The following CHGA variants were observed in gnomAD, a reference collection of about 807,000 sequenced individuals.
The protein encoded by CHGA is chromogranin A.
In CHGA, 41 loss-of-function variants were observed where a neutral mutation model predicts 54.4. The observed-to-expected ratio is 0.75, with a 90% CI of 0.59 to 0.98. The LOEUF is 0.98. Among genes scored for constraint, CHGA ranks in the 50% least tolerant of loss-of-function variants. The pLI, the probability that CHGA is intolerant of heterozygous loss-of-function variation, is 0.00. For synonymous variants in CHGA, 249 were observed against 232.8 expected (o/e 1.07, Z -0.63); for missense variants, 576 against 582.3 (o/e 0.99, Z 0.11).
chr14:92,933,016 C>A, intron 7 of CHGA, 165 bp downstream of exon 7: 1 of 1,092,514 alleles, frequency 9.2e-7, no homozygotes, highest in Non-Finnish European at 1.2e-6. Context: ...GGAGAACACC[C>A]CAGCTCACAG....
In CHGA at chr14:92,923,372, G is replaced by T; in HGVS notation, c.13G>T (p.Ala5Ser). 3.1e-6 allele frequency: 4 copies of T among 1,297,658 alleles called. No homozygotes were observed. The highest frequency in any genetic ancestry group is 2.9e-6 in the Non-Finnish European group (3 of 1,028,126). 80.4% of individuals were successfully genotyped at this position (1,297,658 alleles called of 1,614,324 possible). Residue 5 changes from alanine (A) to serine (S), a missense_variant, in exon 1 of 8, where the codon GCT (alanine) becomes TCT (serine). Transcript: ENST00000216492. ...GCCCGGGTCCGCCATGCGCTCCGCC[G>T]CTGTCCTGGCTCTTCTGCTCTGCGC... MRSA[A>S]VLALLLCAGQ...
intron 4 of CHGA, 134 bp downstream of exon 4, chr14:92,927,752 C>A: frequency 1.4e-6 from 1 of 739,734 alleles, no homozygotes; most frequent in South Asian, 1.7e-5. Context: ...AAGCAGGATC[C>A]GCCGTGCCAC....
Position 92,932,691 on chromosome 14 carries a change from G to T in CHGA, c.1130G>T (p.Arg377Leu), listed in dbSNP as rs766151622. The T allele has an allele frequency of 6.2e-7, 1 of 1,610,454 alleles. No individual in the cohort carries two copies. The highest frequency in any genetic ancestry group is 2.2e-5 in the East Asian group (1 of 44,806). The change falls in exon 7 of 8, where the codon CGG (arginine) becomes CTG (leucine). Residue 377 changes from arginine to leucine, a missense_variant. Coordinates refer to ENST00000216492, the MANE Select transcript of CHGA (RefSeq NM_001275.4). The surrounding 1 kb of genome is among the most constrained non-coding windows in gnomAD (Gnocchi z 5.3). Reference protein sequence around the residue: ...NRDSSMKLSFRARAYGFRGPG... With the variant: ...NRDSSMKLSFLARAYGFRGPG... ...GACAGTTCCATGAAGCTCTCCTTCC[G>T]GGCCCGGGCCTACGGCTTCAGGGGC...
intron 7 of CHGA, among the ~76,000 whole-genome samples, chr14:92,933,909 G>T (rs1887063845): frequency 3.9e-5 from 6 of 152,190 alleles, no homozygotes; most frequent in Admixed American, 3.9e-4. Context: ...GGCATATGGA[G>T]AGGATGGGGT....
chr14:92,926,468 C>A, intron 2 of CHGA, 137 bp from the exon 3 acceptor site: 1 of 678,700 alleles, frequency 1.5e-6, no homozygotes, highest in Non-Finnish European at 2.7e-6. Context: ...AGAGCTGTGT[C>A]CCTGAGCCAG....
intron 2 of CHGA, 177 bp from the exon 3 acceptor site, chr14:92,926,428 T>C (rs1354320489): frequency 6.5e-6 from 4 of 613,712 alleles, no homozygotes; most frequent in Non-Finnish European, 1.2e-5. Context: ...TTTTCTATTA[T>C]CATTGCTATC....
intron 1 of CHGA, 140 bp from the exon 2 acceptor site, chr14:92,924,059 A>G (rs761088958): frequency 8.9e-5 from 85 of 958,048 alleles, no homozygotes; most frequent in Non-Finnish European, 1.2e-4. Flanking sequence ...GGGAAACAAA[A>G]TCAGCCCTAG....
chr14:92,926,740 G>T (rs1886894184), intron 3 of CHGA, 42 bp downstream of exon 3: 1 of 1,540,708 alleles, frequency 6.5e-7, no homozygotes, highest in African/African-American at 1.4e-5. Flanking sequence ...TGCCTGCTGG[G>T]CTGGGAGGCT....
intron 7 of CHGA, among the ~76,000 whole-genome samples, chr14:92,934,399 C>G (rs1887074741): frequency 6.6e-6 from 1 of 152,232 alleles, no homozygotes; most frequent in South Asian, 2.1e-4. Flanking sequence ...CTGCAGAAGA[C>G]AGACCCGGAA....
In CHGA at chr14:92,931,348, C is replaced by T; in HGVS notation, c.454C>T (p.Gln152Ter). The T allele has an allele frequency of 6.2e-7, 1 of 1,613,624 alleles. No individual in the cohort carries two copies. Among genetic ancestry groups the T allele is most frequent in the Non-Finnish European group, 8.5e-7 (1 of 1,179,976 alleles). The change falls in exon 6 of 8, where the codon CAG becomes TAG. Residue 152 changes from glutamine to a stop codon, truncating the protein, a stop_gained. Transcript: ENST00000216492. LOFTEE classifies it high-confidence loss of function. ...SGEATDGARPQALPEPMQESK... is the reference protein window; with the variant it reads ...SGEATDGARP ...TGAAGCCACAGACGGAGCCAGGCCC[C>T]AGGCCCTCCCGGAGCCCATGCAGGA... is the stretch of plus-strand genomic sequence containing the variant.
At position 92,931,509 on chromosome 14, in the gene CHGA, C is replaced by A; in HGVS notation, c.615C>A (p.Gly205=). ...CACAGGCCGAGGGGGACAGTGAGGG[C>A]CTCTCTCAGGGTCTGGTGGACAGAG... The part of the protein sequence containing the change: ...PGPQAEGDSE[G]LSQGLVDREK... Residue 205 remains glycine, a synonymous_variant, in exon 6 of 8, where the codon GGC becomes GGA. Transcript: ENST00000216492. The A allele has an allele frequency of 6.2e-7, 1 of 1,612,632 alleles. No individual in the cohort carries two copies. Among genetic ancestry groups the A allele is most frequent in the South Asian group, 1.1e-5 (1 of 90,850 alleles).
At chr14:92,925,916 C>T (rs187147985) in intron 2 of CHGA, among the ~76,000 whole-genome samples, 16 of 152,264 alleles carry the variant, frequency 1.1e-4, no homozygotes, top group Admixed American at 2.6e-4. Flanking sequence ...TATCAGATGC[C>T]TAATTATCCA....
At chr14:92,923,607 A>G (rs997375762) in intron 1 of CHGA, among the ~76,000 whole-genome samples, 10 of 151,856 alleles carry the variant, frequency 6.6e-5, no homozygotes, top group African/African-American at 2.4e-4. Context: ...CTTGGGCCTG[A>G]CTCCCAACCC....
Position 92,929,833 on chromosome 14 carries a change from TG to T in CHGA, c.355+20del. The T allele has an allele frequency of 6.2e-7, 1 of 1,604,102 alleles. No individual in the cohort carries two copies. Among genetic ancestry groups the T allele is most frequent in the Non-Finnish European group, 8.5e-7 (1 of 1,174,898 alleles). ...GCTGAAAGGTCTGTCCCAGCCGGTC[TG>T]GCCGGAGGTGGGGAAGGGAGGGTGG... On this transcript the variant is annotated intron_variant, in intron 5 of 7. Transcript: ENST00000216492.
chr14:92,931,699 G>C lies in CHGA; in HGVS notation c.805G>C (p.Glu269Gln). 1 of 1,568,196 alleles carries C rather than the reference G, an allele frequency of 6.4e-7. No homozygotes were observed. The highest frequency in any genetic ancestry group is 8.7e-7 in the Non-Finnish European group (1 of 1,153,982). Residue 269 changes from glutamate to glutamine, a missense_variant, in exon 6 of 8, where the codon GAG becomes CAG. Coordinates refer to ENST00000216492, the MANE Select transcript of CHGA (RefSeq NM_001275.4). Reference sequence around the variant, plus strand: ...TGGCTACAAGGAGATCCGGAAAGGCGAGAGTACGTATGATGGCGAAGACCT... The same window carrying C: ...TGGCTACAAGGAGATCCGGAAAGGCCAGAGTACGTATGATGGCGAAGACCT... ...SLGYKEIRKG[E>Q]SRSEALAVDG... is the part of the protein sequence containing the mutation.
chr14:92,934,086 T>A (rs1045577546), intron 7 of CHGA, among the ~76,000 whole-genome samples: 2 of 152,236 alleles, frequency 1.3e-5, no homozygotes, highest in Non-Finnish European at 2.9e-5. Context: ...AATCTGGCAG[T>A]GACCCCGGGA....
chr14:92,934,552 G>T (rs563701479), intron 7 of CHGA, among the ~76,000 whole-genome samples: 1 of 152,340 alleles, frequency 6.6e-6, no homozygotes, highest in Admixed American at 6.5e-5. Context: ...GAGAGGAAGT[G>T]GGGCCTGGAT....
At chr14:92,923,848 C>T (rs1330897902) in intron 1 of CHGA, among the ~76,000 whole-genome samples, 1 of 151,156 alleles carries the variant, frequency 6.6e-6, no homozygotes, top group Non-Finnish European at 1.5e-5. Context: ...TCCATCTCTT[C>T]CCCCGCCCCC....
In CHGA at chr14:92,926,599, T is replaced by A; in HGVS notation, c.94-6T>A. On this transcript the variant is annotated splice_polypyrimidine_tract_variant and splice_region_variant and intron_variant, in intron 2 of 7. Transcript: ENST00000216492. ...GCCCCAACCTGCCCCTGCACTGTGT[T>A]CCCAGGTGATGAAATGCATCGTTGA... The A allele has an allele frequency of 6.2e-7, 1 of 1,613,724 alleles. No homozygotes were observed. The highest frequency in any genetic ancestry group is 8.5e-7 in the Non-Finnish European group (1 of 1,179,886).
Sources: allele counts gnomAD v4.1 joint callset (sites outside exome capture counted in the v4.1 genomes callset), GRCh38; gene constraint gnomAD v4.1.1; non-coding constraint Gnocchi (gnomAD v3.1); transcripts MANE v1.5; gene names NCBI Gene and HGNC (gene_info 2026-07-23, HGNC 2026-07-21).